TCF20: variants seen among roughly 807,000 people sequenced by gnomAD.
The protein encoded by TCF20 is SPRE-binding protein.
A neutral mutation model predicts 148.6 loss-of-function variants in TCF20; 3 were observed. The observed-to-expected ratio is 0.02, with a 90% confidence interval of 0.01 to 0.05. The LOEUF (loss-of-function observed/expected upper bound fraction) is 0.05. Among genes scored for constraint, TCF20 ranks in the 10% least tolerant of loss-of-function variants. The pLI is 1.00. For missense variants in TCF20, 2,350 were observed against 2,429.3 expected (o/e 0.97, Z 0.69); for synonymous variants, 1,049 against 909.5 (o/e 1.15, Z -2.76).
chr22:42,341,638 G>A (rs1478612099), intron 1 of TCF20, among the ~76,000 whole-genome samples: 2 of 152,134 alleles, frequency 1.3e-5, no homozygotes, highest in East Asian at 3.9e-4. Context: ...CCCTGTAAGG[G>A]ACCCTTCCGC....
intron 1 of TCF20, among the ~76,000 whole-genome samples, chr22:42,321,286 G>A (rs986284052): frequency 1.3e-5 from 2 of 152,178 alleles, no homozygotes; most frequent in African/African-American, 2.4e-5. Flanking sequence ...CACTGGACAC[G>A]GCCCCTCTGG....
At chr22:42,323,963 T>A (rs1359980122) in intron 1 of TCF20, among the ~76,000 whole-genome samples, 50 of 100,214 alleles carry the variant, frequency 5.0e-4, no homozygotes, top group African/African-American at 1.2e-3. Context: ...ATGGTGGTGG[T>A]GGTGATGGTG....
At chr22:42,284,165 G>A (rs775178891), upstream of TCF20, among the ~76,000 whole-genome samples, 1 of 152,092 alleles carries the variant, frequency 6.6e-6, no homozygotes, top group East Asian at 1.9e-4. Context: ...ATCCCCCCTC[G>A]CCTTCAACTG....
rs1211787178 is a variant in TCF20, at chr22:42,299,118, G to A, written c.-37+44361C>T. Among the ~76,000 whole-genome samples the A allele has an allele frequency of 6.6e-6, 1 of 152,208 alleles. No homozygotes were observed. Among genetic ancestry groups the A allele is most frequent in the African/African-American group, 2.4e-5 (1 of 41,454 alleles). On this transcript the variant is annotated intron_variant, in intron 1 of 1. Coordinates refer to the TCF20 transcript ENST00000515426. This position sits in a 1 kb window ranked among gnomAD's most constrained non-coding sequence, Gnocchi z 4.1. ...TGCTGTGGAGGGGAACGGAGACCTGGAGGGGTACCCCCAAAAATCTGGACT... is the reference window on the plus strand; with the variant it reads ...TGCTGTGGAGGGGAACGGAGACCTGAAGGGGTACCCCCAAAAATCTGGACT...
At chr22:42,315,631 A>G (rs1927615655) in intron 1 of TCF20, among the ~76,000 whole-genome samples, 1 of 152,158 alleles carries the variant, frequency 6.6e-6, no homozygotes, top group African/African-American at 2.4e-5. Context: ...AGGTGTGGAC[A>G]GTGCCATGAA....
At chr22:42,302,559 T>G (rs1176488955) in intron 1 of TCF20, among the ~76,000 whole-genome samples, 1 of 152,110 alleles carries the variant, frequency 6.6e-6, no homozygotes, top group Admixed American at 6.5e-5. Flanking sequence ...CACCAGCCAG[T>G]GGAAGGCAAA....
At chr22:42,237,692 G>A (rs912529057) in intron 1 of TCF20, among the ~76,000 whole-genome samples, 2 of 152,130 alleles carry the variant, frequency 1.3e-5, no homozygotes, top group African/African-American at 4.8e-5. Context: ...CTTGATCCAG[G>A]GGCTGCAGAA....
At chr22:42,179,778 T>C in intron 2 of TCF20, 76 bp from the exon 3 acceptor site, 1 of 932,436 alleles carries the variant, frequency 1.1e-6, no homozygotes, top group African/African-American at 1.6e-5. Flanking sequence ...CTGGTCCCCA[T>C]CTGTTAGACC....
chr22:42,283,204 G>A (rs1006674278), intron 1 of TCF20, among the ~76,000 whole-genome samples: 2 of 152,178 alleles, frequency 1.3e-5, no homozygotes, highest in African/African-American at 4.8e-5. Flanking sequence ...CGCCCAACTC[G>A]CAGCAGACCA....
intron 5 of TCF20, 30 bp downstream of exon 5, chr22:42,168,579 G>T (rs1310430977): frequency 7.8e-6 from 12 of 1,542,680 alleles, no homozygotes; most frequent in Non-Finnish European, 9.6e-6. Flanking sequence ...AGCCGGGCAG[G>T]ATGCAGGGAG....
intron 1 of TCF20, among the ~76,000 whole-genome samples, chr22:42,221,331 C>G (rs1922338527): frequency 6.6e-6 from 1 of 152,164 alleles, no homozygotes; most frequent in Non-Finnish European, 1.5e-5. Context: ...ATTCCTGTAT[C>G]AAAACCATTC....
intron 1 of TCF20, among the ~76,000 whole-genome samples, chr22:42,324,049 G>A (rs1307690012): frequency 1.6e-5 from 2 of 128,144 alleles, no homozygotes; most frequent in Admixed American, 7.8e-5. Context: ...TATGGTGGTG[G>A]TGGTGGTGGT....
chr22:42,325,064 T>C (rs970393333), intron 1 of TCF20, among the ~76,000 whole-genome samples: 6 of 152,250 alleles, frequency 3.9e-5, no homozygotes, highest in Non-Finnish European at 8.8e-5. Flanking sequence ...GGAAACCGCA[T>C]GGGCGGGTGG....
upstream of TCF20, among the ~76,000 whole-genome samples, chr22:42,287,690 G>A (rs141367683): frequency 6.6e-6 from 1 of 152,150 alleles, no homozygotes; most frequent in Admixed American, 6.5e-5. Context: ...TGAAAAGCCC[G>A]GTTTCAAATT....
intron 2 of TCF20, among the ~76,000 whole-genome samples, 176 bp from the exon 3 acceptor site, chr22:42,179,878 A>T (rs1351756650): frequency 2.0e-5 from 3 of 152,330 alleles, no homozygotes; most frequent in Non-Finnish European, 4.4e-5. Flanking sequence ...CACCATGGGA[A>T]GGGATCCAGC....
intron 3 of TCF20, among the ~76,000 whole-genome samples, chr22:42,172,177 C>T (rs1355422845): frequency 6.6e-6 from 1 of 152,238 alleles, no homozygotes; most frequent in Non-Finnish European, 1.5e-5. Flanking sequence ...CCTCTGTTCT[C>T]ATACATGTCC....
chr22:42,327,750 T>G (rs1395577211), intron 1 of TCF20, among the ~76,000 whole-genome samples: 1 of 151,128 alleles, frequency 6.6e-6, no homozygotes, highest in Non-Finnish European at 1.5e-5. Context: ...CATTCCAGAT[T>G]CACAGAATCC....
rs537610535 is a variant in TCF20, at chr22:42,275,993, G to A, written c.-37+7834C>T. 7.9e-5 allele frequency among the ~76,000 whole-genome samples: 12 copies of A among 152,294 alleles called. No individual in the cohort carries two copies. The East Asian group carries it at 2.3e-3, about 29-fold the overall frequency. On this transcript the variant is annotated intron_variant, in intron 1 of 5. Coordinates refer to the TCF20 transcript ENST00000359486. ...GAGGGGGCAGAGCTGAATCTGACAG[G>A]CTACAGGGCCCCTGCGTTGCTTTGT... is the stretch of plus-strand genomic sequence containing the variant.
rs776191510 is a variant in TCF20, at chr22:42,213,912, T to A, written c.1394A>T (p.Asn465Ile). 6.2e-7 allele frequency: 1 copy of A among 1,614,030 alleles called. No individual in the cohort carries two copies. Among genetic ancestry groups the A allele is most frequent in the African/African-American group, 1.3e-5 (1 of 74,922 alleles). Residue 465 changes from asparagine (N) to isoleucine (I), a missense_variant, in exon 2 of 6, where the codon AAT becomes ATT. By Grantham distance (149) the Asn-to-Ile change is moderately radical. This residue lies in a region of TCF20 where 1,641 missense variants were observed against 1,662.6 expected (regional missense o/e 0.99). Transcript: ENST00000677622. ...CATGTGCTGGACAGTGTTAGGAAGA[T>A]TGGCCACTTGAGTACTCAGAGCACT... ...SLSALSTQVA[N>I]LPNTVQHMLL... is the part of the protein sequence containing the mutation.
Sources: gnomAD v4.1 joint callset for allele counts (sites outside exome capture counted in the v4.1 genomes callset) on GRCh38, gnomAD v4.1.1 for gene constraint, gnomAD v4.1.1 regional missense constraint, Gnocchi (gnomAD v3.1) non-coding constraint, MANE v1.5 for transcripts, NCBI Gene and HGNC (gene_info 2026-07-23, HGNC 2026-07-21) for gene names.